The following TAB3 variants were observed in gnomAD, a reference collection of about 807,000 sequenced individuals.
TAB3 encodes the protein TGF-beta activated kinase 1 (MAP3K7) binding protein 3, also known as TGF-beta-activated kinase 1 and MAP3K7-binding protein 3.
In TAB3, 18 loss-of-function variants were observed where a neutral mutation model predicts 48.1. That is an observed-to-expected ratio of 0.37 (90% CI 0.26 to 0.55). The LOEUF (loss-of-function observed/expected upper bound fraction) is 0.55, where lower values mean the gene tolerates loss of function less well. TAB3 is among the 20% of genes least tolerant of loss of function. The probability of loss-of-function intolerance (pLI) is 0.78; values close to 1 mark genes in which losing one functional copy is unlikely to be tolerated. For synonymous variants in TAB3, 185 were observed against 190.2 expected, an observed-to-expected ratio of 0.97 and a Z score of 0.22; for missense variants, 414 against 549.8, an observed-to-expected ratio of 0.75 and a Z score of 2.47.
intron 1 of TAB3, among the ~76,000 whole-genome samples, chrX:30,887,112 C>T (rs1019965269): frequency 2.7e-5 from 3 of 112,352 alleles, no homozygotes; most frequent in Admixed American, 9.4e-5. Context: ...GTATGTGTAC[C>T]TCCAAGCTGA....
chrX:30,864,199 G>C (rs1434172633), intron 4 of TAB3, among the ~76,000 whole-genome samples: 2 of 111,485 alleles, frequency 1.8e-5, no homozygotes, highest in African/African-American at 6.5e-5. Context: ...GTGGATTGTG[G>C]AGCTGTGTAG....
chrX:30,831,634 G>C (rs1359577648), intron 10 of TAB3, 59 bp from the exon 11 acceptor site: 3 of 1,110,883 alleles, frequency 2.7e-6, no homozygotes, highest in Non-Finnish European at 3.6e-6. Context: ...CTTTTTCCAA[G>C]TATAATCCAA....
chrX:30,859,226 A>G (rs764636081), intron 5 of TAB3, among the ~76,000 whole-genome samples: 9 of 110,971 alleles, frequency 8.1e-5, no homozygotes, highest in Admixed American at 7.7e-4. Context: ...CGGGGATGCT[A>G]TTGTTATTTA....
chrX:30,841,545 A>C (rs559258331), intron 9 of TAB3, among the ~76,000 whole-genome samples: 2 of 111,856 alleles, frequency 1.8e-5, no homozygotes, highest in East Asian at 2.8e-4. Context: ...AACACTCTGT[A>C]ATGAGCTTAA....
intron 4 of TAB3, among the ~76,000 whole-genome samples, chrX:30,866,554 A>G (rs190406715): frequency 1.8e-5 from 2 of 111,168 alleles, no homozygotes; most frequent in East Asian, 5.7e-4. Flanking sequence ...GCATGTCGAA[A>G]TGACACAGGA....
rs756839415 is a variant in TAB3 at position 30,868,819 on chromosome X, G to A, written c.-279-1270C>T. Among the ~76,000 whole-genome samples the A allele has an allele frequency of 6.6e-5, 7 of 105,867 alleles. No individual in the cohort carries two copies. In the South Asian group the frequency reaches 3.0e-3, roughly 45 times the overall value. The allele number at this position is 105,867 out of a possible 115,157, so 91.9% of individuals were successfully genotyped here. A position where few individuals can be genotyped will look rare whatever the true frequency, so the allele number is the denominator to read the frequency against. The stretch of plus-strand genomic sequence containing the variant: ...TACAAGTTTCTAATTGATCTCCTGA[G>A]TCAACTTCATTTTACAACCACAGTA... On this transcript the variant is annotated intron_variant, in intron 2 of 10. Coordinates refer to ENST00000288422, the MANE Select transcript of TAB3 (RefSeq NM_152787.5).
In TAB3 at chrX:30,834,167, A is replaced by G; in HGVS notation, c.1889-15T>C. 2 of 1,189,167 alleles carry G rather than the reference A, an allele frequency of 1.7e-6. No individual in the cohort carries two copies. The highest frequency in any genetic ancestry group is 2.3e-6 in the Non-Finnish European group (2 of 876,390). On this transcript the variant is annotated splice_polypyrimidine_tract_variant and intron_variant, in intron 9 of 10. Transcript: ENST00000288422. ...GTCTGAGGAGTCTGCATAAAAATAA[A>G]CAACGCCAGAAAGAAGTGATCCAGT...
In TAB3 at chrX:30,859,385, C is replaced by CACACAT. The variant is rs1555941704; in HGVS notation, c.102+101_102+102insATGTGT. On this transcript the variant is annotated intron_variant, in intron 5 of 10. Transcript: ENST00000288422. ...CCACACACACACACACACACACACA[C>CACACAT]ACACACAAGAAAACATACCTGGGTT... 9 of 593,225 alleles carry CACACAT rather than the reference C, an allele frequency of 1.5e-5. No individual in the cohort carries two copies. The African/African-American group carries it at 1.8e-4, about 12-fold the overall frequency. The allele number at this position is 593,225 out of a possible 1,213,427, so 48.9% of individuals were successfully genotyped here.
At chrX:30,871,095 A>G (rs1357021341) in intron 2 of TAB3, among the ~76,000 whole-genome samples, 1 of 111,540 alleles carries the variant, frequency 9.0e-6, no homozygotes, top group Non-Finnish European at 1.9e-5. Context: ...TAAACTATGT[A>G]GAAATCACGG....
chrX:30,878,516 A>AG (rs1555947183), intron 1 of TAB3, among the ~76,000 whole-genome samples: 9 of 79,603 alleles, frequency 1.1e-4, no homozygotes, highest in African/African-American at 2.0e-4. Context: ...AAAAAAAAAA[A>AG]AAAGAAAGAA....
chrX:30,856,559 TAA>T (rs1203453450), intron 5 of TAB3, among the ~76,000 whole-genome samples: 1 of 112,326 alleles, frequency 8.9e-6, no homozygotes, highest in Non-Finnish European at 1.9e-5. Context: ...AAGTAATCCA[TAA>T]AAGTTTCCCA....
intron 7 of TAB3, among the ~76,000 whole-genome samples, chrX:30,850,767 A>C (rs1248729691): frequency 5.8e-5 from 6 of 103,627 alleles, no homozygotes; most frequent in Non-Finnish European, 1.2e-4. Context: ...GCTCTGATAT[A>C]AAATCTGGGG....
rs1271564473 is a variant in TAB3, at chrX:30,829,997, C to G, written c.*1430G>C. 9.0e-6 allele frequency: 1 copy of G among 110,958 alleles called. No individual in the cohort carries two copies. The highest frequency in any genetic ancestry group is 1.9e-5 in the Non-Finnish European group (1 of 52,986). The allele number at this position is 110,958 out of a possible 1,213,427, so 9.1% of individuals were successfully genotyped here. On this transcript the variant is annotated 3_prime_UTR_variant, in exon 11 of 11. Transcript: ENST00000288422. ...AAAATGAGGGGAAGATTCCAAAACT[C>G]CAATTCTGAGCTAAGAAGGAACTCC...
intron 7 of TAB3, 75 bp downstream of exon 7, chrX:30,852,703 A>C: frequency 1.9e-6 from 2 of 1,043,274 alleles, no homozygotes; most frequent in Non-Finnish European, 2.6e-6. Context: ...CCAGGAATAA[A>C]GCCTAAAGAA....
intron 1 of TAB3, among the ~76,000 whole-genome samples, chrX:30,887,196 A>AAACAAAATATTTT (rs60278034): frequency 0.015 from 1,646 of 112,232 alleles, 39 homozygotes; most frequent in African/African-American, 0.051. Flanking sequence ...GGACTAGAAT[A>AAACAAAATATTTT]AACAAAATAT....
At chrX:30,841,538 ACT>A (rs1411692824) in intron 9 of TAB3, among the ~76,000 whole-genome samples, 5 of 110,074 alleles carry the variant, frequency 4.5e-5, no homozygotes, top group South Asian at 7.6e-4. Context: ...AAAAAAAAAC[ACT>A]CTGTAATGAG....
At chrX:30,851,318 A>G (rs149910140) in intron 7 of TAB3, among the ~76,000 whole-genome samples, 2,487 of 111,825 alleles carry the variant, frequency 0.022, 55 homozygotes, top group African/African-American at 0.073. Flanking sequence ...CTAGCATTCA[A>G]GGTCAAAGCC....
At chrX:30,879,775 T>C (rs1435511809) in intron 1 of TAB3, among the ~76,000 whole-genome samples, 2 of 111,421 alleles carry the variant, frequency 1.8e-5, no homozygotes, top group Non-Finnish European at 3.8e-5. Flanking sequence ...AAGTATAACA[T>C]TTCGAAAGGA....
At chrX:30,868,615 A>G (rs1398989160) in intron 2 of TAB3, among the ~76,000 whole-genome samples, 1 of 72,419 alleles carries the variant, frequency 1.4e-5, no homozygotes, top group African/African-American at 5.4e-5. Context: ...AGAGAGAGAG[A>G]GAGCGCGTGG....
Sources: allele counts gnomAD v4.1 joint callset (sites outside exome capture counted in the v4.1 genomes callset), GRCh38; gene constraint gnomAD v4.1.1; transcripts MANE v1.5; gene names NCBI Gene and HGNC (gene_info 2026-07-23, HGNC 2026-07-21).